RYR2: variants seen among roughly 807,000 people sequenced by gnomAD.
The protein encoded by RYR2 is cardiac muscle ryanodine receptor-calcium release channel.
In RYR2, 227 loss-of-function variants were observed where a neutral mutation model predicts 601.1. That is an observed-to-expected ratio of 0.38 (90% CI 0.34 to 0.42). The LOEUF is 0.42. RYR2 is among the 10% of genes least tolerant of loss of function. RYR2 has a pLI of 1.00. For synonymous variants in RYR2, 2,223 were observed against 2,175.1 expected, an observed-to-expected ratio of 1.02 and a Z score of -0.61; for missense variants, 4,646 against 6,156.5, an observed-to-expected ratio of 0.75 and a Z score of 8.21.
intron 66 of RYR2, among the ~76,000 whole-genome samples, chr1:237,702,880 C>A (rs1053417447): frequency 1.3e-5 from 2 of 151,968 alleles, no homozygotes; most frequent in Non-Finnish European, 2.9e-5. Context: ...ATAAAAATAG[C>A]AAATTAGATC....
chr1:237,325,441 C>A (rs1254098516), intron 2 of RYR2, among the ~76,000 whole-genome samples: 4 of 152,066 alleles, frequency 2.6e-5, no homozygotes, highest in Non-Finnish European at 5.9e-5. Context: ...GTAATCCCAG[C>A]ACTTTGGGAG....
chr1:237,239,303 A>G (rs564950902), intron 1 of RYR2, among the ~76,000 whole-genome samples: 3 of 152,256 alleles, frequency 2.0e-5, no homozygotes, highest in Non-Finnish European at 2.9e-5. Context: ...GCAGAGGTTT[A>G]ACAGGCAACA....
chr1:237,065,306 G>T (rs1663448170), intron 1 of RYR2, among the ~76,000 whole-genome samples: 2 of 119,208 alleles, frequency 1.7e-5, no homozygotes, highest in Non-Finnish European at 3.2e-5. Context: ...TCGAGAGGGA[G>T]TCTTGCATTG....
intron 62 of RYR2, 76 bp from the exon 63 acceptor site, chr1:237,687,353 CTTTTTTCTTCTTCTTTTTTTTTTTTT>C: frequency 1.7e-6 from 1 of 584,798 alleles, no homozygotes; most frequent in Non-Finnish European, 2.8e-6. Context: ...GTTTTTTTTT[CTTTTTTCTTCTTCTTTTTTTTTTTTT>C]TTTTTAATTT....
chr1:237,823,499 G>A (rs994305769), intron 101 of RYR2, among the ~76,000 whole-genome samples: 5 of 152,088 alleles, frequency 3.3e-5, no homozygotes, highest in Non-Finnish European at 7.4e-5. Context: ...AAGACACAAC[G>A]TACCAGAATC....
intron 17 of RYR2, among the ~76,000 whole-genome samples, chr1:237,471,973 T>G (rs1660774117): frequency 6.6e-6 from 1 of 152,326 alleles, no homozygotes; most frequent in African/African-American, 2.4e-5. Flanking sequence ...ACTGCCAAGG[T>G]TAAAACTCAG....
intron 7 of RYR2, among the ~76,000 whole-genome samples, chr1:237,375,808 G>A (rs1384667401): frequency 4.6e-5 from 7 of 152,142 alleles, no homozygotes; most frequent in African/African-American, 1.2e-4. Flanking sequence ...AGTTAAATGA[G>A]AAAGTTGTCA....
intron 1 of RYR2, among the ~76,000 whole-genome samples, chr1:237,241,832 G>A (rs1196169822): frequency 6.6e-6 from 1 of 152,158 alleles, no homozygotes; most frequent in Admixed American, 6.5e-5. Context: ...GCTGGTGGGA[G>A]TGCCTTTAGC....
chr1:237,826,231 C>G (rs1332481565), intron 101 of RYR2, among the ~76,000 whole-genome samples: 2 of 152,028 alleles, frequency 1.3e-5, no homozygotes, highest in African/African-American at 4.8e-5. Context: ...TTTATTGGGG[C>G]ACTGTTCACA....
chr1:237,756,557 C>A (rs1215547699), intron 81 of RYR2, among the ~76,000 whole-genome samples, 170 bp downstream of exon 81: 1 of 152,002 alleles, frequency 6.6e-6, no homozygotes, highest in South Asian at 2.1e-4. Context: ...TTACGGAGAC[C>A]AATGTTAATT....
chr1:237,614,875 A>C lies in RYR2; in HGVS notation c.5715+32A>C. 6.6e-7 allele frequency: 1 copy of C among 1,526,714 alleles called. No individual in the cohort carries two copies. The highest frequency in any genetic ancestry group is 8.8e-7 in the Non-Finnish European group (1 of 1,139,512). 94.6% of individuals were successfully genotyped at this position (1,526,714 alleles called of 1,614,324 possible). A position where few individuals can be genotyped will look rare whatever the true frequency, so the allele number is the denominator to read the frequency against. On this transcript the variant is annotated intron_variant, in intron 37 of 104. Coordinates refer to ENST00000366574, the MANE Select transcript of RYR2 (RefSeq NM_001035.3). This position sits in a 1 kb window ranked among gnomAD's most constrained non-coding sequence, Gnocchi z 4.3. ...AGAACAAGAGACTTGAGTGAATTTCAGAATTGCTAAGCATTAAGGTATTAG... is the reference window on the plus strand; with the variant it reads ...AGAACAAGAGACTTGAGTGAATTTCCGAATTGCTAAGCATTAAGGTATTAG...
intron 43 of RYR2, 112 bp downstream of exon 43, chr1:237,633,822 A>G (rs1440612558): frequency 9.4e-7 from 1 of 1,058,388 alleles, no homozygotes; most frequent in African/African-American, 1.6e-5. Flanking sequence ...ACATTTCACA[A>G]AAGAAGACAG....
chr1:237,201,459 A>C (rs910244282), intron 1 of RYR2, among the ~76,000 whole-genome samples: 1 of 152,118 alleles, frequency 6.6e-6, no homozygotes, highest in Non-Finnish European at 1.5e-5. Context: ...GTGAAATCTC[A>C]TTTGTGTTTT....
intron 1 of RYR2, among the ~76,000 whole-genome samples, chr1:237,087,379 G>A (rs960347789): frequency 4.0e-5 from 6 of 151,788 alleles, no homozygotes; most frequent in African/African-American, 1.5e-4. Flanking sequence ...CTCCTTCTTT[G>A]TTGCTCACCT....
intron 44 of RYR2, among the ~76,000 whole-genome samples, chr1:237,636,030 C>T (rs1290651720): frequency 6.6e-6 from 1 of 152,132 alleles, no homozygotes; most frequent in African/African-American, 2.4e-5. Flanking sequence ...CTTTTCTCCA[C>T]TTCCTTAAAC....
chr1:237,687,398 C>CCTTTTTTT, intron 62 of RYR2, 57 bp from the exon 63 acceptor site: 1 of 328,476 alleles, frequency 3.0e-6, no homozygotes, highest in Admixed American at 4.6e-5. Context: ...TTCCCCCTGT[C>CCTTTTTTT]TTTTCTACCT....
At chr1:237,788,883 A>C (rs1365170262) in intron 92 of RYR2, among the ~76,000 whole-genome samples, 1 of 152,062 alleles carries the variant, frequency 6.6e-6, no homozygotes, top group Non-Finnish European at 1.5e-5. Flanking sequence ...ATTAACATGC[A>C]TGTGTAATGT....
intron 53 of RYR2, 81 bp downstream of exon 53, chr1:237,656,065 C>T: frequency 2.2e-6 from 3 of 1,350,302 alleles, no homozygotes; most frequent in Non-Finnish European, 3.1e-6. Context: ...CTAAAGTGAA[C>T]TTTCTCTAAT....
intron 4 of RYR2, among the ~76,000 whole-genome samples, chr1:237,359,150 A>G (rs1368208153): frequency 6.6e-6 from 1 of 152,198 alleles, no homozygotes; most frequent in Admixed American, 6.5e-5. Context: ...ATTATAGCTT[A>G]GCTTAGCCTC....
Sources: gnomAD v4.1 joint callset for allele counts (sites outside exome capture counted in the v4.1 genomes callset) on GRCh38, gnomAD v4.1.1 for gene constraint, Gnocchi (gnomAD v3.1) non-coding constraint, MANE v1.5 for transcripts, NCBI Gene and HGNC (gene_info 2026-07-23, HGNC 2026-07-21) for gene names.